The following SEC14L1 variants were observed in gnomAD, a reference collection of about 807,000 sequenced individuals.
The protein encoded by SEC14L1 is SEC14-like protein 1.
In SEC14L1, 48 loss-of-function variants were observed where a neutral mutation model predicts 85.3. That is an observed-to-expected ratio of 0.56 (90% CI 0.45 to 0.72). The LOEUF (loss-of-function observed/expected upper bound fraction) is 0.72. Ranked by LOEUF, SEC14L1 falls within the 30% of genes least tolerant of loss-of-function variation. The pLI is 0.00. For synonymous variants in SEC14L1, 391 were observed against 355.5 expected, an observed-to-expected ratio of 1.10 and a Z score of -1.12; for missense variants, 682 against 921.4, an observed-to-expected ratio of 0.74 and a Z score of 3.36.
intron 3 of SEC14L1, among the ~76,000 whole-genome samples, chr17:77,109,236 A>G (rs1971994591): frequency 6.6e-6 from 1 of 152,208 alleles, no homozygotes; most frequent in South Asian, 2.1e-4. Context: ...GGACAATACA[A>G]AGACAACAAG....
Position 77,216,840 on chromosome 17 carries a change from G to A in SEC14L1, c.*2817G>A. On this transcript the variant is annotated 3_prime_UTR_variant, in exon 17 of 17. Transcript: ENST00000436233. ...TCTGGGGCAGCTATGGTTTGAGTAT[G>A]CAGTTTGCATCGTGTTTCTACCTTT... 1 of 486,334 alleles carries A rather than the reference G, an allele frequency of 2.1e-6. No individual in the cohort carries two copies. The highest frequency in any genetic ancestry group is 3.6e-6 in the Non-Finnish European group (1 of 276,594). 30.1% of individuals were successfully genotyped at this position (486,334 alleles called of 1,614,324 possible).
chr17:77,124,810 C>A (rs1972394198), intron 3 of SEC14L1, among the ~76,000 whole-genome samples: 1 of 152,010 alleles, frequency 6.6e-6, no homozygotes, highest in African/African-American at 2.4e-5. Context: ...AATCACTGAT[C>A]CCTTTCAGCA....
chr17:77,095,258 CA>C (rs994212725), intron 3 of SEC14L1, among the ~76,000 whole-genome samples: 1 of 152,222 alleles, frequency 6.6e-6, no homozygotes, highest in African/African-American at 2.4e-5. Flanking sequence ...TCCTCATTAT[CA>C]CCCCGAGGAG....
intron 3 of SEC14L1, among the ~76,000 whole-genome samples, chr17:77,108,720 C>T (rs146218217): frequency 7.1e-6 from 1 of 140,144 alleles, no homozygotes; most frequent in African/African-American, 2.7e-5. Flanking sequence ...GTGTGGCCGA[C>T]AGAGCCAGGC....
rs796860952 is a variant in SEC14L1 at position 77,161,986 on chromosome 17, C to G, written c.63+18327C>G. ...TGTTGAGGGCTGACTTTCAATAGAT[C>G]GCAGTGAGGGAGGTGCTCTGCTACA... is the stretch of plus-strand genomic sequence containing the variant. On this transcript the variant is annotated intron_variant, in intron 3 of 16. Coordinates refer to ENST00000436233, the MANE Select transcript of SEC14L1 (RefSeq NM_001143998.2). Among the ~76,000 whole-genome samples, 3 of 147,378 alleles carry G rather than the reference C, an allele frequency of 2.0e-5. No homozygotes were observed. The South Asian group carries it at 6.4e-4, about 31-fold the overall frequency.
chr17:77,191,037 G>A lies in SEC14L1; in HGVS notation c.213+85G>A, dbSNP rs899034271. 1.2e-5 allele frequency: 18 copies of A among 1,560,590 alleles called. No individual in the cohort carries two copies. The South Asian group carries it at 2.0e-4, about 17-fold the overall frequency. ...GGTGGGAGAGGGCGTCCTGGAGGGAGAGGGCATCCTGGAGGGAGAGGGCGT... is the reference window on the plus strand; with the variant it reads ...GGTGGGAGAGGGCGTCCTGGAGGGAAAGGGCATCCTGGAGGGAGAGGGCGT... On this transcript the variant is annotated intron_variant, in intron 4 of 16. Transcript: ENST00000436233.
intron 3 of SEC14L1, among the ~76,000 whole-genome samples, chr17:77,160,190 A>G (rs1205207471): frequency 2.0e-5 from 3 of 152,230 alleles, no homozygotes. Flanking sequence ...TCCATAGCTC[A>G]TTGCATTCCT....
chr17:77,180,508 TC>T (rs1388091864), intron 3 of SEC14L1, among the ~76,000 whole-genome samples: 28 of 152,224 alleles, frequency 1.8e-4, no homozygotes, highest in African/African-American at 6.8e-4. Context: ...AGCCTCCATC[TC>T]CTAGGCTCCC....
chr17:77,106,103 T>G (rs1261021345), intron 3 of SEC14L1, among the ~76,000 whole-genome samples: 1 of 152,174 alleles, frequency 6.6e-6, no homozygotes, highest in Non-Finnish European at 1.5e-5. Context: ...ATTGAAATTA[T>G]TTGGTTCTGG....
intron 3 of SEC14L1, among the ~76,000 whole-genome samples, chr17:77,151,091 C>G (rs541904721): frequency 1.3e-5 from 2 of 152,274 alleles, no homozygotes; most frequent in South Asian, 4.1e-4. Context: ...GATCTTCCAG[C>G]AGCCTAATGT....
intron 7 of SEC14L1, 51 bp from the exon 8 acceptor site, chr17:77,196,151 G>A: frequency 7.0e-7 from 1 of 1,425,786 alleles, no homozygotes; most frequent in South Asian, 1.1e-5. Flanking sequence ...GACTTTGGGA[G>A]CCTAAAGCTC....
At position 77,197,519 on chromosome 17, in the gene SEC14L1, G is replaced by C. The variant is rs1247605654; in HGVS notation, c.819+1208G>C. 2.6e-5 allele frequency among the ~76,000 whole-genome samples: 4 copies of C among 151,940 alleles called. No individual in the cohort carries two copies. In the East Asian group the frequency reaches 7.7e-4, roughly 29 times the overall value. On this transcript the variant is annotated intron_variant, in intron 8 of 16. Transcript: ENST00000436233. Reference sequence around the variant, plus strand: ...ATGATCACTCATAATTTTTAACTTTGTGTATATCTTCTCTACTTTAATCTT... The same window carrying C: ...ATGATCACTCATAATTTTTAACTTTCTGTATATCTTCTCTACTTTAATCTT...
intron 13 of SEC14L1, among the ~76,000 whole-genome samples, chr17:77,208,561 T>C (rs1976583203): frequency 6.6e-6 from 1 of 152,188 alleles, no homozygotes; most frequent in South Asian, 2.1e-4. Context: ...CCTGAGCTGC[T>C]GTTGAGGCTG....
Position 77,209,357 on chromosome 17 carries a change from G to A in SEC14L1, c.1492G>A (p.Gly498Ser). The A allele has an allele frequency of 6.2e-7, 1 of 1,614,102 alleles. No homozygotes were observed. Among genetic ancestry groups the A allele is most frequent in the Non-Finnish European group, 8.5e-7 (1 of 1,180,002 alleles). The change falls in exon 14 of 17, where the codon GGT (glycine) becomes AGT (serine). Residue 498 changes from glycine to serine, a missense_variant. By Grantham distance (56) the Gly-to-Ser change is moderately conservative. This residue lies in a region of SEC14L1 where 420 missense variants were observed against 619.5 expected (regional missense o/e 0.68). Coordinates refer to ENST00000436233, the MANE Select transcript of SEC14L1 (RefSeq NM_001143998.2). Reference sequence around the variant, plus strand: ...CTTCTTCCAGTGCGAAGTGCCAGAGGGTGGACTGGTCCCCAAATCTCTGTA... The same window carrying A: ...CTTCTTCCAGTGCGAAGTGCCAGAGAGTGGACTGGTCCCCAAATCTCTGTA... The part of the protein sequence containing the change: ...SGECMCEVPE[G>S]GLVPKSLYRT...
At chr17:77,201,485 C>G (rs544748983) in intron 9 of SEC14L1, among the ~76,000 whole-genome samples, 23 of 148,282 alleles carry the variant, frequency 1.6e-4, no homozygotes, top group African/African-American at 4.7e-4. Flanking sequence ...GAGTCTCGCT[C>G]TGTCCCCAAG....
chr17:77,208,588 T>G (rs1040801203), intron 13 of SEC14L1, among the ~76,000 whole-genome samples: 2 of 152,236 alleles, frequency 1.3e-5, no homozygotes, highest in African/African-American at 4.8e-5. Flanking sequence ...GAAAGGAGGT[T>G]GTTCCCTCCT....
At chr17:77,122,167 G>C (rs916478281) in intron 3 of SEC14L1, among the ~76,000 whole-genome samples, 2 of 152,190 alleles carry the variant, frequency 1.3e-5, no homozygotes, top group African/African-American at 4.8e-5. Context: ...TAGGTGGATT[G>C]CTTCTGTTAT....
At chr17:77,182,817 G>A (rs1032703216) in intron 3 of SEC14L1, among the ~76,000 whole-genome samples, 1 of 152,222 alleles carries the variant, frequency 6.6e-6, no homozygotes, top group African/African-American at 2.4e-5. Flanking sequence ...GCCTGCTGAT[G>A]TGGGCTCTGT....
intron 3 of SEC14L1, among the ~76,000 whole-genome samples, chr17:77,132,303 C>T (rs559660170): frequency 2.7e-4 from 41 of 151,248 alleles, no homozygotes; most frequent in Admixed American, 2.4e-3. Flanking sequence ...TCTCACTGCA[C>T]CCTCCAACTC....
Sources: gnomAD v4.1 joint callset for allele counts (sites outside exome capture counted in the v4.1 genomes callset) on GRCh38, gnomAD v4.1.1 for gene constraint, gnomAD v4.1.1 regional missense constraint, MANE v1.5 for transcripts, NCBI Gene and HGNC (gene_info 2026-07-23, HGNC 2026-07-21) for gene names.